RAD51B: variants seen among roughly 807,000 people sequenced by gnomAD.
The protein encoded by RAD51B is DNA repair protein RAD51 homolog 2.
RAD51B carries 38 observed loss-of-function variants against 42.2 expected under a neutral mutation model. The ratio of observed to expected loss-of-function variants is 0.90; its 90% confidence interval spans 0.70 to 1.18. The LOEUF (loss-of-function observed/expected upper bound fraction) is 1.18. Among genes scored for constraint, RAD51B ranks in the 50% most tolerant of loss-of-function variants. The pLI, the probability that RAD51B is intolerant of heterozygous loss-of-function variation, is 0.00. For missense variants in RAD51B, 373 were observed against 400.7 expected (o/e 0.93, Z 0.59); for synonymous variants, 154 against 145.2 (o/e 1.06, Z -0.43).
chr14:68,536,633 C>A (rs966966052), intron 10 of RAD51B, among the ~76,000 whole-genome samples: 2 of 152,298 alleles, frequency 1.3e-5, no homozygotes, highest in African/African-American at 4.8e-5. Context: ...TCTACCTCTA[C>A]AGCTTGAAGT....
intron 7 of RAD51B, among the ~76,000 whole-genome samples, chr14:68,080,687 C>T (rs2076899229): frequency 6.6e-6 from 1 of 152,150 alleles, no homozygotes; most frequent in African/African-American, 2.4e-5. Flanking sequence ...GTGCAGGGGT[C>T]TATTCAGGAG....
Position 68,648,674 on chromosome 14 carries a change from A to AACACACACACACACAC in RAD51B, c.1037-2081_1037-2066dup, listed in dbSNP as rs35200852. ...AGCTCAATAATGGTAAAAGCACACA[A>AACACACACACACACAC]ACACACACACACACACACACACACA... is the stretch of plus-strand genomic sequence containing the variant. On this transcript the variant is annotated intron_variant, in intron 10 of 11. Coordinates refer to the RAD51B transcript ENST00000488612. Among the ~76,000 whole-genome samples, 514 of 143,682 alleles carry AACACACACACACACAC rather than the reference A, an allele frequency of 3.6e-3. 6 individuals are homozygous for AACACACACACACACAC. The highest frequency in any genetic ancestry group is 0.01 in the South Asian group (45 of 4,318). 94.3% of individuals were successfully genotyped at this position (143,682 alleles called of 152,430 possible).
chr14:67,999,106 C>T (rs140333455), intron 7 of RAD51B, among the ~76,000 whole-genome samples: 213 of 152,008 alleles, frequency 1.4e-3, no homozygotes, highest in Middle Eastern at 6.8e-3. Context: ...GACATCAGGG[C>T]GACCTTGTTC....
At chr14:68,635,037 C>T (rs1892313898) in intron 10 of RAD51B, among the ~76,000 whole-genome samples, 1 of 152,146 alleles carries the variant, frequency 6.6e-6, no homozygotes, top group South Asian at 2.1e-4. Context: ...GGTGACAGGG[C>T]CATATGGTTT....
intron 7 of RAD51B, among the ~76,000 whole-genome samples, chr14:68,226,406 C>T (rs955213703): frequency 6.6e-6 from 1 of 152,204 alleles, no homozygotes; most frequent in Non-Finnish European, 1.5e-5. Flanking sequence ...TGTGTCCCCA[C>T]CCAAATCTCA....
intron 8 of RAD51B, among the ~76,000 whole-genome samples, chr14:68,335,726 G>A (rs1343671421): frequency 1.3e-5 from 2 of 152,176 alleles, no homozygotes; most frequent in Non-Finnish European, 2.9e-5. Flanking sequence ...TTGTTCAGAT[G>A]CACCTGGCTA....
At chr14:68,666,857 A>G (rs902946670) in intron 11 of RAD51B, among the ~76,000 whole-genome samples, 3 of 152,188 alleles carry the variant, frequency 2.0e-5, no homozygotes, top group African/African-American at 7.2e-5. Context: ...AACCAACAGG[A>G]TCTCCCTCTA....
At chr14:68,053,276 C>T (rs1019010339) in intron 7 of RAD51B, among the ~76,000 whole-genome samples, 72 of 152,174 alleles carry the variant, frequency 4.7e-4, no homozygotes, top group African/African-American at 1.6e-3. Flanking sequence ...AAGTTTTGTA[C>T]GAAAGAATGG....
chr14:68,541,467 C>T (rs1594956831), intron 10 of RAD51B: 4 of 985,372 alleles, frequency 4.1e-6, no homozygotes, highest in Non-Finnish European at 4.8e-6. Flanking sequence ...GGGGAATGGC[C>T]CCTCTGGCTG....
chr14:68,182,056 A>T (rs2079070498), intron 7 of RAD51B, among the ~76,000 whole-genome samples: 1 of 152,208 alleles, frequency 6.6e-6, no homozygotes, highest in African/African-American at 2.4e-5. Flanking sequence ...CCATGAGAAT[A>T]CAGTGGGTTA....
intron 7 of RAD51B, among the ~76,000 whole-genome samples, chr14:68,248,586 ATAAC>A (rs2080550586): frequency 6.6e-6 from 1 of 152,114 alleles, no homozygotes; most frequent in Non-Finnish European, 1.5e-5. Flanking sequence ...AGGTGGCAGA[ATAAC>A]TACACCACAA....
intron 10 of RAD51B, among the ~76,000 whole-genome samples, chr14:68,582,281 G>C (rs2140060704): frequency 6.6e-6 from 1 of 152,234 alleles, no homozygotes; most frequent in Middle Eastern, 3.4e-3. Context: ...CTAATATCCA[G>C]AATCTACAAA....
chr14:68,272,137 G>C (rs1430801103), intron 7 of RAD51B, among the ~76,000 whole-genome samples: 1 of 152,164 alleles, frequency 6.6e-6, no homozygotes, highest in Non-Finnish European at 1.5e-5. Context: ...TGATCACTGT[G>C]GGGGCTTAAT....
chr14:68,195,665 T>C (rs2140913146), intron 7 of RAD51B, among the ~76,000 whole-genome samples: 1 of 152,262 alleles, frequency 6.6e-6, no homozygotes, highest in East Asian at 1.9e-4. Context: ...TCCCAGCACT[T>C]TGGGAGGCTG....
rs763246684 is a variant in RAD51B at position 67,885,999 on chromosome 14, T to C, written c.572+11T>C. Reference sequence around the variant, plus strand: ...TGAAGTTCTACAAAGGTATGCTGCTTTAGATTTTGATTTTTTAGTAATGCG... The same window carrying C: ...TGAAGTTCTACAAAGGTATGCTGCTCTAGATTTTGATTTTTTAGTAATGCG... On this transcript the variant is annotated intron_variant, in intron 6 of 10. Transcript: ENST00000471583. 1.3e-6 allele frequency: 2 copies of C among 1,552,070 alleles called. No homozygotes were observed. Among genetic ancestry groups the C allele is most frequent in the South Asian group, 2.4e-5 (2 of 83,680 alleles).
intron 10 of RAD51B, among the ~76,000 whole-genome samples, chr14:68,644,302 C>T (rs1255876503): frequency 1.3e-5 from 2 of 152,138 alleles, no homozygotes; most frequent in East Asian, 1.9e-4. Flanking sequence ...TGTCTGCCCC[C>T]TTTCTGGTGC....
chr14:68,579,271 C>A (rs554028796), intron 10 of RAD51B, among the ~76,000 whole-genome samples: 1 of 152,214 alleles, frequency 6.6e-6, no homozygotes, highest in Non-Finnish European at 1.5e-5. Context: ...TCTCCCTCCC[C>A]TCCATTACTA....
intron 7 of RAD51B, among the ~76,000 whole-genome samples, chr14:68,053,788 T>A (rs2076431547): frequency 6.6e-6 from 1 of 152,216 alleles, no homozygotes; most frequent in South Asian, 2.1e-4. Flanking sequence ...GTCCTTAGAT[T>A]CCTCACGTTA....
At chr14:68,215,618 G>C (rs190361772) in intron 7 of RAD51B, among the ~76,000 whole-genome samples, 4 of 152,110 alleles carry the variant, frequency 2.6e-5, no homozygotes, top group Non-Finnish European at 4.4e-5. Flanking sequence ...TTAGACCCAG[G>C]CTTTCTGGTT....
Sources: allele counts gnomAD v4.1 joint callset (sites outside exome capture counted in the v4.1 genomes callset), GRCh38; gene constraint gnomAD v4.1.1; transcripts MANE v1.5; gene names NCBI Gene and HGNC (gene_info 2026-07-23, HGNC 2026-07-21).